Variants in TRIM44 observed in about 807,000 individuals in gnomAD.
TRIM44 encodes the protein tripartite motif containing 44.
TRIM44 carries 13 observed loss-of-function variants against 37.4 expected under a neutral mutation model. The ratio of observed to expected loss-of-function variants is 0.35; its 90% CI spans 0.23 to 0.55. TRIM44 has a LOEUF of 0.55. Ranked by LOEUF, TRIM44 falls within the 20% of genes least tolerant of loss-of-function variation. TRIM44 has a pLI of 0.89. For synonymous variants in TRIM44, 175 were observed against 157.2 expected (o/e 1.11, Z -0.85); for missense variants, 426 against 437.2 (o/e 0.97, Z 0.23).
At chr11:35,788,033 A>G (rs1187715561) in intron 4 of TRIM44, among the ~76,000 whole-genome samples, 1 of 152,130 alleles carries the variant, frequency 6.6e-6, no homozygotes, top group African/African-American at 2.4e-5. Context: ...GGCTACTTCT[A>G]ACTCACCTGG....
chr11:35,736,953 A>T (rs1293778208), intron 4 of TRIM44, among the ~76,000 whole-genome samples: 1 of 152,184 alleles, frequency 6.6e-6, no homozygotes, highest in African/African-American at 2.4e-5. Flanking sequence ...TAAAGCAGGC[A>T]TAGTTCCTAC....
At chr11:35,784,579 C>A (rs919520784) in intron 4 of TRIM44, among the ~76,000 whole-genome samples, 3 of 152,152 alleles carry the variant, frequency 2.0e-5, no homozygotes, top group Admixed American at 1.3e-4. Context: ...TGATTGCAAA[C>A]TGAATTTAGA....
intron 2 of TRIM44, among the ~76,000 whole-genome samples, chr11:35,709,396 G>A (rs1248429101): frequency 3.3e-5 from 5 of 152,030 alleles, no homozygotes; most frequent in African/African-American, 1.2e-4. Context: ...TCCTACCTAA[G>A]TGGGCAAGAA....
At position 35,672,117 on chromosome 11, in the gene TRIM44, AC is replaced by A. The variant is rs752493226; in HGVS notation, c.669+8338del. Among the ~76,000 whole-genome samples, 9 of 152,214 alleles carry A rather than the reference AC, an allele frequency of 5.9e-5. No homozygotes were observed. In the South Asian group the frequency reaches 8.3e-4, roughly 14 times the overall value. The stretch of plus-strand genomic sequence containing the variant: ...TACATTTAATGAATTTTTATGTTGA[AC>A]AATAAAAGTGCTTTAGATATACTCA... On this transcript the variant is annotated intron_variant, in intron 1 of 4. Transcript: ENST00000299413.
intron 4 of TRIM44, among the ~76,000 whole-genome samples, chr11:35,753,205 G>A (rs188628348): frequency 6.6e-6 from 1 of 151,536 alleles, no homozygotes; most frequent in African/African-American, 2.4e-5. Context: ...GATACAATTG[G>A]GGGGGGAGTT....
At chr11:35,769,843 A>G (rs984605988) in intron 4 of TRIM44, among the ~76,000 whole-genome samples, 2 of 152,236 alleles carry the variant, frequency 1.3e-5, no homozygotes, top group Admixed American at 6.5e-5. Flanking sequence ...AAATAACTGC[A>G]ATGGATGATG....
chr11:35,791,434 A>T (rs1420941842), intron 4 of TRIM44, among the ~76,000 whole-genome samples: 1 of 152,028 alleles, frequency 6.6e-6, no homozygotes, highest in Non-Finnish European at 1.5e-5. Context: ...TGCCATATGG[A>T]GCCCTGACAC....
At chr11:35,705,628 A>G (rs1007310564) in intron 2 of TRIM44, among the ~76,000 whole-genome samples, 3 of 149,684 alleles carry the variant, frequency 2.0e-5, no homozygotes, top group Admixed American at 6.7e-5. Context: ...CTGCTCAACT[A>G]CATGGAAACT....
At chr11:35,679,495 T>C (rs1040509949) in intron 1 of TRIM44, among the ~76,000 whole-genome samples, 6 of 152,178 alleles carry the variant, frequency 3.9e-5, no homozygotes, top group African/African-American at 1.4e-4. Flanking sequence ...TAGAATTGCT[T>C]CCAGGGATAG....
chr11:35,738,536 AC>A (rs1022126142), intron 4 of TRIM44, among the ~76,000 whole-genome samples: 5 of 152,034 alleles, frequency 3.3e-5, no homozygotes, highest in African/African-American at 1.2e-4. Flanking sequence ...TTCTTTTTTA[AC>A]CTTTAAATTC....
At chr11:35,763,275 C>G (rs1225156512) in intron 4 of TRIM44, among the ~76,000 whole-genome samples, 1 of 151,936 alleles carries the variant, frequency 6.6e-6, no homozygotes, top group Admixed American at 6.6e-5. Flanking sequence ...TGAAGGCCCA[C>G]TAGATTAGAA....
At position 35,744,261 on chromosome 11, in the gene TRIM44, T is replaced by G. The variant is rs535975534; in HGVS notation, c.1007+8816T>G. 3.9e-4 allele frequency among the ~76,000 whole-genome samples: 60 copies of G among 152,308 alleles called. 1 individual carries two copies. Among genetic ancestry groups the G allele is most frequent in the Non-Finnish European group, 4.1e-4 (28 of 68,034 alleles). ...AAACAACAAAAAAAATTAGTATGAG[T>G]ATGTGCTACACAATATTTGGAAGAT... On this transcript the variant is annotated intron_variant, in intron 4 of 4. Transcript: ENST00000299413.
chr11:35,700,564 C>A (rs558287538), intron 2 of TRIM44, among the ~76,000 whole-genome samples: 34 of 152,314 alleles, frequency 2.2e-4, no homozygotes, highest in African/African-American at 7.9e-4. Context: ...CATTTCCTTT[C>A]ATGAATCCTT....
intron 4 of TRIM44, among the ~76,000 whole-genome samples, chr11:35,781,288 G>C (rs970442949): frequency 1.3e-5 from 2 of 152,032 alleles, no homozygotes; most frequent in South Asian, 4.2e-4. Flanking sequence ...GCATGTTTCT[G>C]ATTTATAATC....
At chr11:35,692,662 C>T (rs1055198416) in intron 2 of TRIM44, among the ~76,000 whole-genome samples, 3 of 152,118 alleles carry the variant, frequency 2.0e-5, no homozygotes, top group Non-Finnish European at 2.9e-5. Flanking sequence ...CGGTGGCTCA[C>T]GCCTGTAATC....
intron 4 of TRIM44, among the ~76,000 whole-genome samples, chr11:35,792,111 A>ACACTCTCTCTCTCT (rs796092540): frequency 1.7e-5 from 2 of 114,298 alleles, no homozygotes; most frequent in African/African-American, 7.4e-5. Flanking sequence ...ACACACACAC[A>ACACTCTCTCTCTCT]CTCTCTCTCA....
chr11:35,784,606 G>T (rs1282668462), intron 4 of TRIM44, among the ~76,000 whole-genome samples: 1 of 152,198 alleles, frequency 6.6e-6, no homozygotes, highest in African/African-American at 2.4e-5. Flanking sequence ...GTGTATTTAT[G>T]TATGTATATA....
chr11:35,777,816 C>G (rs1403463001), intron 4 of TRIM44, among the ~76,000 whole-genome samples: 3 of 152,152 alleles, frequency 2.0e-5, no homozygotes, highest in African/African-American at 4.8e-5. Context: ...GGTTTCTGCC[C>G]AGAGATCCAC....
At chr11:35,746,204 C>G (rs1191974840) in intron 4 of TRIM44, among the ~76,000 whole-genome samples, 1 of 152,162 alleles carries the variant, frequency 6.6e-6, no homozygotes, top group Non-Finnish European at 1.5e-5. Context: ...TGGATTAGCA[C>G]TAAGCAGAGT....
Sources: allele counts gnomAD v4.1 joint callset (sites outside exome capture counted in the v4.1 genomes callset), GRCh38; gene constraint gnomAD v4.1.1; transcripts MANE v1.5; gene names NCBI Gene and HGNC (gene_info 2026-07-23, HGNC 2026-07-21).